The following CALU variants were observed in gnomAD, a reference collection of about 807,000 sequenced individuals.
The protein encoded by CALU is IEF SSP 9302.
A neutral mutation model predicts 37.5 loss-of-function variants in CALU; 13 were observed. The observed-to-expected ratio is 0.35, with a 90% CI of 0.23 to 0.55. CALU has a LOEUF of 0.55. Ranked by LOEUF, CALU falls within the 20% of genes least tolerant of loss-of-function variation. CALU has a pLI of 0.89. For missense variants in CALU, 282 were observed against 391.7 expected, an observed-to-expected ratio of 0.72 and a Z score of 2.36; for synonymous variants, 114 against 133.8, an observed-to-expected ratio of 0.85 and a Z score of 1.02.
At chr7:128,762,517 G>A (rs1462586170) in intron 5 of CALU, among the ~76,000 whole-genome samples, 3 of 149,940 alleles carry the variant, frequency 2.0e-5, no homozygotes, top group Admixed American at 6.6e-5. Flanking sequence ...AAAGTTCTTC[G>A]CCTCATAAAT....
intron 2 of CALU, among the ~76,000 whole-genome samples, chr7:128,749,395 C>T (rs1289790727): frequency 6.6e-6 from 1 of 152,186 alleles, no homozygotes; most frequent in Non-Finnish European, 1.5e-5. Context: ...TTCTTTGGCT[C>T]TCTCGGTAGA....
In CALU at chr7:128,748,409, C is replaced by T. The variant is rs1187733455; in HGVS notation, c.-11-164C>T. The T allele has an allele frequency of 2.9e-6, 4 of 1,391,468 alleles. No homozygotes were observed. In the African/African-American group the frequency reaches 4.3e-5, roughly 15 times the overall value. 86.2% of individuals were successfully genotyped at this position (1,391,468 alleles called of 1,614,324 possible). On this transcript the variant is annotated intron_variant, in intron 1 of 6. Coordinates refer to ENST00000249364, the MANE Select transcript of CALU (RefSeq NM_001219.5). The stretch of plus-strand genomic sequence containing the variant: ...GTAATAATTGAAGAGTCTGATATTC[C>T]ACCATACTTATTTTATGGATGAAGT...
chr7:128,743,714 A>G (rs35105361), intron 1 of CALU, among the ~76,000 whole-genome samples: 45,391 of 151,630 alleles, frequency 0.3, 7,985 homozygotes, highest in Non-Finnish European at 0.41. Flanking sequence ...TGGAGATGGG[A>G]TTGCCTAGGC....
At chr7:128,751,429 T>TA (rs1321715386) in intron 2 of CALU, among the ~76,000 whole-genome samples, 4 of 150,086 alleles carry the variant, frequency 2.7e-5, no homozygotes, top group African/African-American at 7.4e-5. Flanking sequence ...AGTGCACACT[T>TA]ACATATACAA....
Position 128,770,749 on chromosome 7 carries a change from T to C in CALU, c.*1582T>C, listed in dbSNP as rs1801528100. ...GGTCCCTTTCTTACAGATGGACCTC[T>C]TGAGAAGAATTATCGTATTCCACGT... On this transcript the variant is annotated 3_prime_UTR_variant, in exon 7 of 7. Transcript: ENST00000249364. 1 of 152,664 alleles carries C rather than the reference T, an allele frequency of 6.6e-6. No homozygotes were observed. The highest frequency in any genetic ancestry group is 1.5e-5 in the Non-Finnish European group (1 of 68,042). 9.5% of individuals were successfully genotyped at this position (152,664 alleles called of 1,614,324 possible). A position where few individuals can be genotyped will look rare whatever the true frequency, so the allele number is the denominator to read the frequency against.
chr7:128,755,333 A>AAG (rs1800839922), intron 3 of CALU, among the ~76,000 whole-genome samples: 3 of 147,700 alleles, frequency 2.0e-5, no homozygotes, highest in South Asian at 2.1e-4. Context: ...AAAAAAAAAA[A>AAG]GAGGCTATGA....
chr7:128,748,921 C>T, intron 2 of CALU, 117 bp downstream of exon 2: 1 of 649,722 alleles, frequency 1.5e-6, no homozygotes, highest in Non-Finnish European at 2.6e-6. Flanking sequence ...AATACATCTT[C>T]TGAAAGCTAA....
chr7:128,746,155 T>C (rs966147911), intron 1 of CALU, among the ~76,000 whole-genome samples: 139 of 141,768 alleles, frequency 9.8e-4, no homozygotes, highest in African/African-American at 3.7e-3. Flanking sequence ...CATCTCGTTC[T>C]TTTTTTTTTT....
intron 5 of CALU, among the ~76,000 whole-genome samples, chr7:128,766,051 G>A (rs1801315801): frequency 6.6e-6 from 1 of 152,138 alleles, no homozygotes; most frequent in Admixed American, 6.5e-5. Context: ...CTGCCTCTGG[G>A]GTTCAAGCGA....
At chr7:128,761,942 C>T (rs760804875) in intron 5 of CALU, among the ~76,000 whole-genome samples, 1 of 152,250 alleles carries the variant, frequency 6.6e-6, no homozygotes, top group South Asian at 2.1e-4. Context: ...TTGAATTACT[C>T]CTTGACTGTT....
Position 128,772,102 on chromosome 7 carries a change from C to G in CALU, c.*2935C>G, listed in dbSNP as rs1313386547. Among the ~76,000 whole-genome samples the G allele has an allele frequency of 7.1e-6, 1 of 141,736 alleles. No homozygotes were observed. Among genetic ancestry groups the G allele is most frequent in the Non-Finnish European group, 1.5e-5 (1 of 65,628 alleles). 93.0% of individuals were successfully genotyped at this position (141,736 alleles called of 152,430 possible). A position where few individuals can be genotyped will look rare whatever the true frequency, so the allele number is the denominator to read the frequency against. On this transcript the variant is annotated 3_prime_UTR_variant, in exon 7 of 7. Coordinates refer to ENST00000249364, the MANE Select transcript of CALU (RefSeq NM_001219.5). Reference sequence around the variant, plus strand: ...TTTGTTTTGTTTTTTCTTTATGTCTCTCCCATTTCTAAAGTGTTTTCTTAA... The same window carrying G: ...TTTGTTTTGTTTTTTCTTTATGTCTGTCCCATTTCTAAAGTGTTTTCTTAA...
chr7:128,752,206 T>C (rs1477917908), intron 2 of CALU, among the ~76,000 whole-genome samples: 1 of 152,182 alleles, frequency 6.6e-6, no homozygotes, highest in African/African-American at 2.4e-5. Context: ...ATATTTACTA[T>C]CTGTCCCTTT....
intron 5 of CALU, among the ~76,000 whole-genome samples, chr7:128,766,169 C>G (rs566050492): frequency 6.4e-4 from 98 of 152,100 alleles, no homozygotes; most frequent in African/African-American, 2.3e-3. Flanking sequence ...ACCATGTTGG[C>G]CATGCTGGTC....
At chr7:128,763,253 G>A (rs1301143638) in intron 5 of CALU, among the ~76,000 whole-genome samples, 5 of 152,144 alleles carry the variant, frequency 3.3e-5, no homozygotes, top group Middle Eastern at 3.4e-3. Flanking sequence ...AAATTCGGCC[G>A]AGCATGGTGG....
intron 1 of CALU, among the ~76,000 whole-genome samples, chr7:128,746,499 G>A (rs141384731): frequency 5.1e-4 from 77 of 151,512 alleles, no homozygotes; most frequent in African/African-American, 1.8e-3. Context: ...TGTCACCCAC[G>A]CTGGAGTGCA....
At chr7:128,755,997 A>G (rs915018414) in intron 3 of CALU, among the ~76,000 whole-genome samples, 6 of 152,168 alleles carry the variant, frequency 3.9e-5, no homozygotes, top group Non-Finnish European at 1.5e-5. Context: ...TTTCTGTGTC[A>G]GGCTTGTTCT....
rs145730149 is a variant in CALU, at chr7:128,745,248, A to G, written c.-11-3325A>G. Among the ~76,000 whole-genome samples, 92 of 152,320 alleles carry G rather than the reference A, an allele frequency of 6.0e-4. No homozygotes were observed. In the East Asian group the frequency reaches 0.016, roughly 27 times the overall value. On this transcript the variant is annotated intron_variant, in intron 1 of 6. Coordinates refer to ENST00000249364, the MANE Select transcript of CALU (RefSeq NM_001219.5). ...TCTGCAAGCCTCTGTCACTATACAT[A>G]TTGTTGGGATATATCCCAAAACATC... is the stretch of plus-strand genomic sequence containing the variant.
At chr7:128,745,067 AT>A (rs1202185782) in intron 1 of CALU, among the ~76,000 whole-genome samples, 2 of 152,204 alleles carry the variant, frequency 1.3e-5, no homozygotes, top group African/African-American at 4.8e-5. Context: ...ATAAGTATTT[AT>A]TCATATTGTA....
chr7:128,768,699 G>A (rs998814495), intron 6 of CALU, among the ~76,000 whole-genome samples: 5 of 152,022 alleles, frequency 3.3e-5, no homozygotes, highest in Admixed American at 6.5e-5. Flanking sequence ...TTACCTGGGC[G>A]TGGTGGCGCA....
Sources: gnomAD v4.1 joint callset for allele counts (sites outside exome capture counted in the v4.1 genomes callset) on GRCh38, gnomAD v4.1.1 for gene constraint, MANE v1.5 for transcripts, NCBI Gene and HGNC (gene_info 2026-07-23, HGNC 2026-07-21) for gene names.